AKIRIN2: variants seen among roughly 807,000 people sequenced by gnomAD.
AKIRIN2 encodes akirin-2.
A neutral mutation model predicts 29.3 loss-of-function variants in AKIRIN2; 6 were observed. The ratio of observed to expected loss-of-function variants is 0.20; its 90% CI spans 0.11 to 0.40. The LOEUF (loss-of-function observed/expected upper bound fraction) is 0.40, where lower values mean the gene tolerates loss of function less well. AKIRIN2 is among the 10% of genes least tolerant of loss of function. The pLI, the probability that AKIRIN2 is intolerant of heterozygous loss-of-function variation, is 1.00. For synonymous variants in AKIRIN2, 128 were observed against 117.5 expected, an observed-to-expected ratio of 1.09 and a Z score of -0.58; for missense variants, 210 against 276.1, an observed-to-expected ratio of 0.76 and a Z score of 1.70.
At chr6:87,698,065 T>C (rs1771399598) in intron 1 of AKIRIN2, among the ~76,000 whole-genome samples, 1 of 152,196 alleles carries the variant, frequency 6.6e-6, no homozygotes. Flanking sequence ...TATGAGATGT[T>C]TCAAAAACCA....
At chr6:87,687,044 C>CAAA (rs10652176) in intron 1 of AKIRIN2, among the ~76,000 whole-genome samples, 773 of 67,366 alleles carry the variant, frequency 0.011, 12 homozygotes, top group African/African-American at 0.03. Flanking sequence ...GACTTAGACT[C>CAAA]AAAAAAAAAA....
chr6:87,697,033 C>T (rs139961658), intron 1 of AKIRIN2, among the ~76,000 whole-genome samples: 3 of 150,924 alleles, frequency 2.0e-5, no homozygotes, highest in Non-Finnish European at 4.4e-5. Context: ...AAAAAGCCGG[C>T]GGCACAGGCT....
rs558269131 is a variant in AKIRIN2 at position 87,689,950 on chromosome 6, G to A, written c.236-8187C>T. Among the ~76,000 whole-genome samples the A allele has an allele frequency of 7.9e-5, 12 of 152,270 alleles. No individual in the cohort carries two copies. In the South Asian group the frequency reaches 1.7e-3, roughly 21 times the overall value. On this transcript the variant is annotated intron_variant, in intron 1 of 4. Transcript: ENST00000257787. ...CTCTTGGCCACGGGCGGTGGCTCAC[G>A]CCTGTAATCCTAGCACTTTGGGAGG...
Position 87,677,428 on chromosome 6 carries a change from A to G in AKIRIN2, c.529+390T>C, listed in dbSNP as rs536418452. On this transcript the variant is annotated intron_variant, in intron 3 of 4. Coordinates refer to ENST00000257787, the MANE Select transcript of AKIRIN2 (RefSeq NM_018064.4). ...ATCAAATTTTACTGAATTTTTTGAT[A>G]ACTAAAACAGGACTCCAGTTTGATA... is the stretch of plus-strand genomic sequence containing the variant. Among the ~76,000 whole-genome samples the G allele has an allele frequency of 3.8e-4, 58 of 152,338 alleles. 2 individuals are homozygous for G. In the East Asian group the frequency reaches 0.011, roughly 28 times the overall value.
intron 1 of AKIRIN2, among the ~76,000 whole-genome samples, chr6:87,692,140 T>C (rs764939877): frequency 6.6e-6 from 1 of 152,202 alleles, no homozygotes; most frequent in Non-Finnish European, 1.5e-5. Flanking sequence ...ATGTCAGTAG[T>C]GCTGGTACTA....
intron 1 of AKIRIN2, among the ~76,000 whole-genome samples, chr6:87,699,016 C>T (rs994977599): frequency 2.6e-5 from 4 of 152,216 alleles, no homozygotes; most frequent in Non-Finnish European, 5.9e-5. Context: ...TATATTTGAA[C>T]TCACAGATGT....
intron 1 of AKIRIN2, chr6:87,700,684 C>T (rs1213571967): frequency 6.6e-6 from 1 of 152,500 alleles, no homozygotes; most frequent in African/African-American, 2.4e-5. Context: ...CCCCAGCATA[C>T]TTTGTTGGGC....
chr6:87,696,182 A>C (rs1771357892), intron 1 of AKIRIN2, among the ~76,000 whole-genome samples: 1 of 152,106 alleles, frequency 6.6e-6, no homozygotes, highest in South Asian at 2.1e-4. Context: ...TCAGAAAACA[A>C]AAACAAAACA....
At chr6:87,691,440 T>TA (rs34981397) in intron 1 of AKIRIN2, among the ~76,000 whole-genome samples, 20,027 of 84,528 alleles carry the variant, frequency 0.24, 2,932 homozygotes, top group Admixed American at 0.29. Flanking sequence ...AACCTCATCT[T>TA]AAAAAAAAAA....
At chr6:87,677,191 A>G (rs1275994431) in intron 3 of AKIRIN2, among the ~76,000 whole-genome samples, 2 of 152,184 alleles carry the variant, frequency 1.3e-5, no homozygotes, top group Non-Finnish European at 1.5e-5. Flanking sequence ...TGAGAATAGG[A>G]TAACAAAAGC....
At chr6:87,688,994 T>G (rs1771235266) in intron 1 of AKIRIN2, among the ~76,000 whole-genome samples, 1 of 151,310 alleles carries the variant, frequency 6.6e-6, no homozygotes, top group Non-Finnish European at 1.5e-5. Context: ...ATGAAAGAAT[T>G]TGACCTTGTA....
At chr6:87,688,894 G>A (rs1365093121) in intron 1 of AKIRIN2, among the ~76,000 whole-genome samples, 2 of 152,086 alleles carry the variant, frequency 1.3e-5, no homozygotes, top group African/African-American at 4.8e-5. Flanking sequence ...ACAGCCACAG[G>A]GCCAATGTAA....
Position 87,687,439 on chromosome 6 carries a change from C to CAAAAAAAAA in AKIRIN2, c.236-5685_236-5677dup, listed in dbSNP as rs201472497. 5.3e-3 allele frequency among the ~76,000 whole-genome samples: 579 copies of CAAAAAAAAA among 109,036 alleles called. 17 individuals carry two copies. The highest frequency in any genetic ancestry group is 0.017 in the African/African-American group (531 of 30,482). The allele number at this position is 109,036 out of a possible 152,430, so 71.5% of individuals were successfully genotyped here. A position where few individuals can be genotyped will look rare whatever the true frequency, so the allele number is the denominator to read the frequency against. On this transcript the variant is annotated intron_variant, in intron 1 of 4. Transcript: ENST00000257787. Reference sequence around the variant, plus strand: ...GGGCAACAAGAGCAAAATTCCGTTTCAAAAAAAAAAAAAAAAACACACTAC... The same window carrying CAAAAAAAAA: ...GGGCAACAAGAGCAAAATTCCGTTTCAAAAAAAAAAAAAAAAAAAAAAAAAACACACTAC...
At chr6:87,680,333 G>A (rs1325198793) in intron 2 of AKIRIN2, among the ~76,000 whole-genome samples, 1 of 135,590 alleles carries the variant, frequency 7.4e-6, no homozygotes, top group Non-Finnish European at 1.5e-5. Flanking sequence ...CCAGGTTGGA[G>A]TGCAATGGCG....
chr6:87,689,665 C>G (rs1015576648), intron 1 of AKIRIN2, among the ~76,000 whole-genome samples: 5 of 152,210 alleles, frequency 3.3e-5, no homozygotes, highest in Admixed American at 2.0e-4. Context: ...CAAAACTCAG[C>G]TGAAGATTCA....
chr6:87,701,937 C>A lies in AKIRIN2; in HGVS notation c.-253G>T. ...GTGGCGGGCAGAAGCACACGCCAGT[C>A]GCGTCAGGGGGGTTCTTCCGCCTCC... On this transcript the variant is annotated 5_prime_UTR_variant, in exon 1 of 5. Coordinates refer to ENST00000257787, the MANE Select transcript of AKIRIN2 (RefSeq NM_018064.4). The A allele has an allele frequency of 9.8e-6, 4 of 410,130 alleles. No individual in the cohort carries two copies. The South Asian group carries it at 2.6e-4, about 27-fold the overall frequency. The allele number at this position is 410,130 out of a possible 1,614,324, so 25.4% of individuals were successfully genotyped here.
At chr6:87,682,169 G>C (rs921359891) in intron 1 of AKIRIN2, among the ~76,000 whole-genome samples, 1 of 152,148 alleles carries the variant, frequency 6.6e-6, no homozygotes, top group Non-Finnish European at 1.5e-5. Flanking sequence ...CCTTTTCCAA[G>C]CCCATAAATA....
chr6:87,676,801 G>T (rs1048009511), intron 3 of AKIRIN2, among the ~76,000 whole-genome samples: 3 of 150,984 alleles, frequency 2.0e-5, no homozygotes, highest in African/African-American at 4.9e-5. Context: ...AATTGGCCGG[G>T]CATGGTGGCT....
In AKIRIN2 at chr6:87,677,729, A is replaced by C. The variant is rs1562396159; in HGVS notation, c.529+89T>G. 2.1e-6 allele frequency: 3 copies of C among 1,428,626 alleles called. No individual in the cohort carries two copies. The East Asian group carries it at 6.9e-5, about 33-fold the overall frequency. The allele number at this position is 1,428,626 out of a possible 1,614,324, so 88.5% of individuals were successfully genotyped here. A position where few individuals can be genotyped will look rare whatever the true frequency, so the allele number is the denominator to read the frequency against. On this transcript the variant is annotated intron_variant, in intron 3 of 4. Coordinates refer to ENST00000257787, the MANE Select transcript of AKIRIN2 (RefSeq NM_018064.4). ...TCATTCTCAGAGAATATACCGCACCAGTGTATAGAAAGTGAAATTAAAGTA... is the reference window on the plus strand; with the variant it reads ...TCATTCTCAGAGAATATACCGCACCCGTGTATAGAAAGTGAAATTAAAGTA...
Sources: gnomAD v4.1 joint callset for allele counts (sites outside exome capture counted in the v4.1 genomes callset) on GRCh38, gnomAD v4.1.1 for gene constraint, MANE v1.5 for transcripts, NCBI Gene and HGNC (gene_info 2026-07-23, HGNC 2026-07-21) for gene names.